The following POU6F2 variants were observed in gnomAD, a reference collection of about 807,000 sequenced individuals.
POU6F2 encodes the protein POU domain, class 6, transcription factor 2.
In POU6F2, 31 loss-of-function variants were observed where a neutral mutation model predicts 71.3. That is an observed-to-expected ratio of 0.43 (90% CI 0.33 to 0.59). The LOEUF is 0.59. POU6F2 is among the 20% of genes least tolerant of loss of function. The pLI, the probability that POU6F2 is intolerant of heterozygous loss-of-function variation, is 0.04. For missense variants in POU6F2, 783 were observed against 856.8 expected, an observed-to-expected ratio of 0.91 and a Z score of 1.07; for synonymous variants, 347 against 355.7, an observed-to-expected ratio of 0.98 and a Z score of 0.27.
At chr7:39,278,321 C>T (rs1368034839) in intron 4 of POU6F2, among the ~76,000 whole-genome samples, 1 of 152,094 alleles carries the variant, frequency 6.6e-6, no homozygotes, top group Non-Finnish European at 1.5e-5. Flanking sequence ...AGACACAAAC[C>T]AATGGCATTG....
At chr7:39,087,143 TA>T (rs1791266299) in intron 2 of POU6F2, among the ~76,000 whole-genome samples, 10 of 89,356 alleles carry the variant, frequency 1.1e-4, no homozygotes, top group African/African-American at 4.3e-4. Flanking sequence ...ACACAGGCTT[TA>T]TTAATTAATT....
chr7:39,198,509 A>G (rs1793829712), intron 2 of POU6F2, among the ~76,000 whole-genome samples: 1 of 152,222 alleles, frequency 6.6e-6, no homozygotes, highest in African/African-American at 2.4e-5. Context: ...CTGTAAGAAT[A>G]AAGAAATGCA....
chr7:39,100,451 C>CTGT (rs138138465), intron 2 of POU6F2, among the ~76,000 whole-genome samples: 18 of 152,210 alleles, frequency 1.2e-4, no homozygotes, highest in African/African-American at 3.1e-4. Flanking sequence ...GAACATCTTT[C>CTGT]TGTTGTTGTT....
At chr7:39,300,352 G>C (rs2128764495) in intron 4 of POU6F2, among the ~76,000 whole-genome samples, 1 of 152,328 alleles carries the variant, frequency 6.6e-6, no homozygotes, top group South Asian at 2.1e-4. Flanking sequence ...GGGAGGGAAA[G>C]TGGGCAGAGG....
intron 4 of POU6F2, among the ~76,000 whole-genome samples, chr7:39,279,501 G>C (rs942429495): frequency 6.6e-6 from 1 of 152,168 alleles, no homozygotes; most frequent in Non-Finnish European, 1.5e-5. Flanking sequence ...CACAAACTGG[G>C]TGGCCTAAAG....
At chr7:39,374,790 C>T (rs1786678689) in intron 5 of POU6F2, among the ~76,000 whole-genome samples, 1 of 152,090 alleles carries the variant, frequency 6.6e-6, no homozygotes, top group Non-Finnish European at 1.5e-5. Flanking sequence ...ATTGTAAAGT[C>T]CCAAACAGCG....
intron 1 of POU6F2, among the ~76,000 whole-genome samples, chr7:39,052,627 A>C (rs1790421148): frequency 6.6e-6 from 1 of 152,110 alleles, no homozygotes; most frequent in Non-Finnish European, 1.5e-5. Context: ...ATTACAGATT[A>C]AGGTGATATT....
At chr7:39,440,083 G>A (rs1583605406) in intron 7 of POU6F2, among the ~76,000 whole-genome samples, 1 of 152,320 alleles carries the variant, frequency 6.6e-6, no homozygotes, top group East Asian at 1.9e-4. Flanking sequence ...CTTTGTAGGT[G>A]ACCTGGCCTT....
chr7:39,217,634 C>T (rs1265267111), intron 4 of POU6F2, among the ~76,000 whole-genome samples: 1 of 152,120 alleles, frequency 6.6e-6, no homozygotes, highest in Non-Finnish European at 1.5e-5. Flanking sequence ...ATACCTAGTG[C>T]ATAAATTCAT....
chr7:39,012,791 G>A (rs1484709949), intron 1 of POU6F2, among the ~76,000 whole-genome samples: 2 of 150,760 alleles, frequency 1.3e-5, no homozygotes, highest in Non-Finnish European at 3.0e-5. Context: ...GCCGTGTGAG[G>A]TGTCAGTGTG....
chr7:39,150,190 C>T (rs1455093433), intron 2 of POU6F2, among the ~76,000 whole-genome samples: 1 of 149,712 alleles, frequency 6.7e-6, no homozygotes, highest in Non-Finnish European at 1.5e-5. Flanking sequence ...CGGACCCAGC[C>T]GCAAGATTTC....
At chr7:39,315,764 G>A (rs768914394) in intron 4 of POU6F2, among the ~76,000 whole-genome samples, 16 of 152,184 alleles carry the variant, frequency 1.1e-4, no homozygotes, top group East Asian at 1.9e-4. Flanking sequence ...GAATGAACAC[G>A]TTCAGTGTTT....
chr7:39,310,810 G>A (rs1785147995), intron 4 of POU6F2, among the ~76,000 whole-genome samples: 1 of 152,176 alleles, frequency 6.6e-6, no homozygotes, highest in Non-Finnish European at 1.5e-5. Context: ...TGCTGGTGAA[G>A]TCCCCTGCCT....
At chr7:39,284,280 A>C (rs1158389849) in intron 4 of POU6F2, among the ~76,000 whole-genome samples, 1 of 152,226 alleles carries the variant, frequency 6.6e-6, no homozygotes, top group African/African-American at 2.4e-5. Context: ...CAAAGTCTTC[A>C]CAGTAGGGAG....
At chr7:39,173,340 A>G (rs1793262813) in intron 2 of POU6F2, among the ~76,000 whole-genome samples, 1 of 152,186 alleles carries the variant, frequency 6.6e-6, no homozygotes, top group Non-Finnish European at 1.5e-5. Context: ...CTCTGTGCTT[A>G]TTAGCTAACC....
chr7:39,252,345 T>C (rs1274918212), intron 4 of POU6F2, among the ~76,000 whole-genome samples: 2 of 151,428 alleles, frequency 1.3e-5, no homozygotes, highest in Non-Finnish European at 2.9e-5. Context: ...TCATAAGTTT[T>C]GCAGCCTCTC....
intron 1 of POU6F2, among the ~76,000 whole-genome samples, chr7:39,021,539 C>G (rs1789679783): frequency 6.6e-6 from 1 of 151,814 alleles, no homozygotes; most frequent in Non-Finnish European, 1.5e-5. Context: ...TCTATTTTTT[C>G]TTTCAAGAAT....
rs560471723 is a variant in POU6F2, at chr7:39,020,110, C to T, written c.105+42052C>T. On this transcript the variant is annotated intron_variant, in intron 1 of 9. Coordinates refer to ENST00000518318, the MANE Select transcript of POU6F2 (RefSeq NM_001370959.1). ...GCAGGTTGGGTGCACCCTCCCAGAC[C>T]CCCCAAAAAAGCTAGCTCCCAATCT... is the stretch of plus-strand genomic sequence containing the variant. 2.6e-5 allele frequency among the ~76,000 whole-genome samples: 4 copies of T among 152,184 alleles called. No individual in the cohort carries two copies. In the South Asian group the frequency reaches 8.3e-4, roughly 32 times the overall value.
intron 5 of POU6F2, among the ~76,000 whole-genome samples, chr7:39,343,895 T>A (rs1403682037): frequency 6.6e-6 from 1 of 152,154 alleles, no homozygotes; most frequent in Non-Finnish European, 1.5e-5. Context: ...TTCTTCAAGG[T>A]CAGGTTAATT....
Sources: allele counts gnomAD v4.1 joint callset (sites outside exome capture counted in the v4.1 genomes callset), GRCh38; gene constraint gnomAD v4.1.1; transcripts MANE v1.5; gene names NCBI Gene and HGNC (gene_info 2026-07-23, HGNC 2026-07-21).